SEC23B: variants seen among roughly 807,000 people sequenced by gnomAD.
SEC23B encodes protein transport protein Sec23B.
A neutral mutation model predicts 104.3 loss-of-function variants in SEC23B; 77 were observed. The observed-to-expected ratio is 0.74, with a 90% CI of 0.61 to 0.89. The LOEUF is 0.89. Ranked by LOEUF, SEC23B falls within the 40% of genes least tolerant of loss-of-function variation. SEC23B has a pLI of 0.00. For synonymous variants in SEC23B, 338 were observed against 332.5 expected (o/e 1.02, Z -0.18); for missense variants, 885 against 949.4 (o/e 0.93, Z 0.89).
intron 15 of SEC23B, among the ~76,000 whole-genome samples, chr20:18,546,352 C>A: frequency 6.6e-6 from 1 of 152,172 alleles, no homozygotes; most frequent in East Asian, 1.9e-4. Context: ...CAGCAACAAA[C>A]CAAGAAAATG....
At chr20:18,510,026 T>C (rs1156774530) in intron 1 of SEC23B, 1 of 152,184 alleles carries the variant, frequency 6.6e-6, no homozygotes, top group African/African-American at 2.4e-5. Flanking sequence ...TGAACCAAAC[T>C]TGAAGATCAG....
At chr20:18,551,770 T>C (rs1171262778) in intron 17 of SEC23B, among the ~76,000 whole-genome samples, 2 of 152,164 alleles carry the variant, frequency 1.3e-5, no homozygotes, top group Non-Finnish European at 2.9e-5. Context: ...AGGTGGTTAT[T>C]TTAAATCACT....
rs568454279 is a variant in SEC23B at position 18,512,653 on chromosome 20, A to G, written c.279+371A>G. On this transcript the variant is annotated intron_variant, in intron 3 of 19. Coordinates refer to ENST00000650089, the MANE Select transcript of SEC23B (RefSeq NM_006363.6). ...TGAATTTTCATTTTCTGATCTTTCTAACTTTTAGAGTCCAGGTATCAGTGT... is the reference window on the plus strand; with the variant it reads ...TGAATTTTCATTTTCTGATCTTTCTGACTTTTAGAGTCCAGGTATCAGTGT... Among the ~76,000 whole-genome samples the G allele has an allele frequency of 5.3e-5, 8 of 152,322 alleles. No individual in the cohort carries two copies. The East Asian group carries it at 1.5e-3, about 29-fold the overall frequency.
At chr20:18,526,823 T>C (rs2060138427) in intron 8 of SEC23B, among the ~76,000 whole-genome samples, 1 of 152,218 alleles carries the variant, frequency 6.6e-6, no homozygotes, top group Admixed American at 6.5e-5. Context: ...CTCACGGCTG[T>C]AATCCCAGCG....
Position 18,526,366 on chromosome 20 carries a change from A to C in SEC23B, c.835-7A>C. On this transcript the variant is annotated splice_polypyrimidine_tract_variant and splice_region_variant and intron_variant, in intron 7 of 19. Transcript: ENST00000650089. The stretch of plus-strand genomic sequence containing the variant: ...TACTTCTAACATGCTGCCATTCGCT[A>C]TTTTAGGGCACTTTTCCAAACACAG... 6.2e-7 allele frequency: 1 copy of C among 1,614,026 alleles called. No homozygotes were observed. Among genetic ancestry groups the C allele is most frequent in the African/African-American group, 1.3e-5 (1 of 75,042 alleles).
chr20:18,521,411 G>C (rs892062292), intron 4 of SEC23B, among the ~76,000 whole-genome samples: 1 of 152,102 alleles, frequency 6.6e-6, no homozygotes, highest in Non-Finnish European at 1.5e-5. Flanking sequence ...TTTGCCAAAC[G>C]GGCCATTAAC....
intron 9 of SEC23B, among the ~76,000 whole-genome samples, chr20:18,529,861 T>A (rs925688408): frequency 6.6e-6 from 1 of 152,234 alleles, no homozygotes; most frequent in Admixed American, 6.5e-5. Context: ...TGATCTTTCT[T>A]GTGTTCTTCA....
intron 3 of SEC23B, among the ~76,000 whole-genome samples, chr20:18,513,220 C>T (rs1350786106): frequency 6.6e-6 from 1 of 151,832 alleles, no homozygotes; most frequent in Non-Finnish European, 1.5e-5. Context: ...TGGTGGTGCG[C>T]ACTTGTAGTC....
rs199506322 is a variant in SEC23B at position 18,560,722 on chromosome 20, T to C, written c.2286T>C (p.Ala762=). The part of the protein sequence containing the change: ...QVFMDHLKKL[A]VSSAC ...TCATGGACCATTTGAAGAAGCTGGC[T>C]GTCTCCAGTGCCTGTTAAGCTGAGG... Residue 762 remains alanine, a synonymous_variant, in exon 20 of 20, where the codon GCT becomes GCC. Coordinates refer to ENST00000650089, the MANE Select transcript of SEC23B (RefSeq NM_006363.6). The C allele has an allele frequency of 9.5e-5, 154 of 1,613,790 alleles. No individual in the cohort carries two copies. Among genetic ancestry groups the C allele is most frequent in the Non-Finnish European group, 1.3e-4 (150 of 1,179,662 alleles).
At chr20:18,546,059 A>T in intron 15 of SEC23B, 26 bp downstream of exon 15, 3 of 1,180,606 alleles carry the variant, frequency 2.5e-6, no homozygotes, top group Non-Finnish European at 3.8e-6. Context: ...TTCTAAAATA[A>T]CTACAGAGCA....
At chr20:18,534,169 C>T (rs2060208716) in intron 11 of SEC23B, among the ~76,000 whole-genome samples, 3 of 151,446 alleles carry the variant, frequency 2.0e-5, no homozygotes, top group East Asian at 1.9e-4. Flanking sequence ...TTTTTTTTGC[C>T]GACCTTTGAA....
intron 1 of SEC23B, among the ~76,000 whole-genome samples, chr20:18,508,716 CTTTTTTTTT>C (rs398035473): frequency 6.2e-5 from 6 of 97,482 alleles, no homozygotes; most frequent in Non-Finnish European, 1.1e-4. Context: ...GCAGTAGCTT[CTTTTTTTTT>C]TTTTTTTTTT....
intron 14 of SEC23B, 25 bp from the exon 15 acceptor site, chr20:18,545,931 G>GT: frequency 1.5e-6 from 2 of 1,337,612 alleles, no homozygotes; most frequent in South Asian, 1.2e-5. Context: ...GTGTTTGTTT[G>GT]TTTTTTGGTA....
intron 3 of SEC23B, among the ~76,000 whole-genome samples, chr20:18,512,851 A>G (rs2059993425): frequency 6.6e-6 from 1 of 152,104 alleles, no homozygotes; most frequent in African/African-American, 2.4e-5. Context: ...AGAAATCGAG[A>G]CCATTCTGGC....
intron 13 of SEC23B, 110 bp downstream of exon 13, chr20:18,542,512 A>C: frequency 3.7e-6 from 4 of 1,093,590 alleles, no homozygotes; most frequent in Non-Finnish European, 5.5e-6. Flanking sequence ...AATGGTTCTC[A>C]CCAGACCTCA....
chr20:18,555,154 A>C lies in SEC23B; in HGVS notation c.2195A>C (p.Asn732Thr). The C allele has an allele frequency of 6.2e-7, 1 of 1,613,652 alleles. No homozygotes were observed. Among genetic ancestry groups the C allele is most frequent in the Non-Finnish European group, 8.5e-7 (1 of 1,179,700 alleles). Residue 732 changes from asparagine to threonine, a missense_variant, in exon 19 of 20, where the codon AAC (asparagine) becomes ACC (threonine). Transcript: ENST00000650089. ...GTGAACCCATCTCAGACACACAATA[A>C]CCTGTATGCTTGGGGACAGGTAAGA... ...SKVNPSQTHNNLYAWGQETGA... is the reference protein window; with the variant it reads ...SKVNPSQTHNTLYAWGQETGA...
chr20:18,520,216 G>C (rs2060070307), intron 4 of SEC23B, among the ~76,000 whole-genome samples: 1 of 142,120 alleles, frequency 7.0e-6, no homozygotes, highest in Non-Finnish European at 1.6e-5. Context: ...AACCTATAAG[G>C]CTTGTCCAGT....
At chr20:18,543,255 T>C in intron 14 of SEC23B, 83 bp downstream of exon 14, 1 of 1,555,266 alleles carries the variant, frequency 6.4e-7, no homozygotes, top group South Asian at 1.1e-5. Flanking sequence ...ATTATTATTA[T>C]ATAGTGAATC....
At chr20:18,537,316 A>G (rs949009081) in intron 12 of SEC23B, among the ~76,000 whole-genome samples, 1 of 152,116 alleles carries the variant, frequency 6.6e-6, no homozygotes, top group Non-Finnish European at 1.5e-5. Flanking sequence ...CTCTATTCAC[A>G]ATAGTAAAGA....
Sources: gnomAD v4.1 joint callset for allele counts (sites outside exome capture counted in the v4.1 genomes callset) on GRCh38, gnomAD v4.1.1 for gene constraint, MANE v1.5 for transcripts, NCBI Gene and HGNC (gene_info 2026-07-23, HGNC 2026-07-21) for gene names.